Variants in CCDC102B observed in about 807,000 individuals in gnomAD.
The protein encoded by CCDC102B is coiled-coil domain containing 102B, also known as coiled-coil domain-containing protein 102B.
In CCDC102B, 75 loss-of-function variants were observed where a neutral mutation model predicts 57.4. That is an observed-to-expected ratio of 1.31 (90% CI 1.08 to 1.58). The LOEUF (loss-of-function observed/expected upper bound fraction) is 1.58. CCDC102B is among the 40% of genes most tolerant of loss of function. CCDC102B has a pLI of 0.00. For missense variants in CCDC102B, 636 were observed against 582.6 expected, an observed-to-expected ratio of 1.09 and a Z score of -0.94; for synonymous variants, 206 against 201.9, an observed-to-expected ratio of 1.02 and a Z score of -0.17.
intron 5 of CCDC102B, among the ~76,000 whole-genome samples, chr18:68,884,396 C>G (rs560348069): frequency 1.3e-5 from 2 of 152,146 alleles, no homozygotes; most frequent in African/African-American, 4.8e-5. Flanking sequence ...ATTATACTAA[C>G]TGAAATAAGC....
intron 1 of CCDC102B, among the ~76,000 whole-genome samples, chr18:68,814,249 G>T (rs571450437): frequency 2.0e-5 from 3 of 151,364 alleles, no homozygotes; most frequent in South Asian, 2.1e-4. Flanking sequence ...TTTTCTAGCT[G>T]TGCAAATTAT....
chr18:69,029,510 C>T (rs1419075557), intron 7 of CCDC102B, among the ~76,000 whole-genome samples: 1 of 151,770 alleles, frequency 6.6e-6, no homozygotes, highest in Non-Finnish European at 1.5e-5. Flanking sequence ...ATTTTTTTTA[C>T]ACAGCGTCAA....
intron 4 of CCDC102B, among the ~76,000 whole-genome samples, chr18:68,855,894 T>C (rs1008697509): frequency 2.6e-5 from 4 of 152,302 alleles, no homozygotes; most frequent in Admixed American, 6.5e-5. Flanking sequence ...TCAGGTGTGT[T>C]AGTCATGTCT....
intron 2 of CCDC102B, among the ~76,000 whole-genome samples, chr18:68,728,621 C>A (rs1282991767): frequency 6.6e-6 from 1 of 152,124 alleles, no homozygotes; most frequent in East Asian, 1.9e-4. Flanking sequence ...TAAGCAGCCT[C>A]ATGATTTACA....
chr18:68,914,786 A>C (rs1043620986), intron 6 of CCDC102B, among the ~76,000 whole-genome samples: 5 of 152,098 alleles, frequency 3.3e-5, no homozygotes, highest in Non-Finnish European at 5.9e-5. Context: ...GCGGATTTTA[A>C]TTTTTAAATT....
intron 4 of CCDC102B, among the ~76,000 whole-genome samples, chr18:68,864,770 A>G (rs1327481716): frequency 6.6e-6 from 1 of 152,044 alleles, no homozygotes; most frequent in Non-Finnish European, 1.5e-5. Flanking sequence ...CTGATAATAA[A>G]AAGATACTGA....
At chr18:68,718,979 A>G (rs2032178094) in intron 2 of CCDC102B, among the ~76,000 whole-genome samples, 1 of 152,212 alleles carries the variant, frequency 6.6e-6, no homozygotes, top group Admixed American at 6.5e-5. Context: ...TAATTACGTT[A>G]AAAATACTAG....
intron 2 of CCDC102B, among the ~76,000 whole-genome samples, chr18:68,759,375 A>G (rs1469528880): frequency 2.6e-5 from 4 of 152,142 alleles, no homozygotes; most frequent in Non-Finnish European, 5.9e-5. Context: ...CTTAGCTCAA[A>G]GAATAGACAT....
At chr18:68,972,067 A>G (rs1372036297) in intron 6 of CCDC102B, among the ~76,000 whole-genome samples, 3 of 152,160 alleles carry the variant, frequency 2.0e-5, no homozygotes, top group Admixed American at 1.3e-4. Context: ...AAAGAAAGTC[A>G]CTAGAAATAT....
At chr18:69,029,506 T>C (rs2145439550) in intron 7 of CCDC102B, among the ~76,000 whole-genome samples, 1 of 152,326 alleles carries the variant, frequency 6.6e-6, no homozygotes, top group South Asian at 2.1e-4. Flanking sequence ...GAGAATTTTT[T>C]TTACACAGCG....
intron 6 of CCDC102B, among the ~76,000 whole-genome samples, chr18:68,937,478 G>A (rs1261334661): frequency 6.6e-6 from 1 of 151,914 alleles, no homozygotes; most frequent in Non-Finnish European, 1.5e-5. Flanking sequence ...TATTGATTTG[G>A]GGATTACAAA....
intron 6 of CCDC102B, among the ~76,000 whole-genome samples, chr18:68,919,991 G>A (rs1214821198): frequency 6.6e-6 from 1 of 152,104 alleles, no homozygotes; most frequent in Non-Finnish European, 1.5e-5. Flanking sequence ...TTTATTTTAA[G>A]TTCAAGGGTA....
In CCDC102B at chr18:69,001,227, G is replaced by A. The variant is rs77704544; in HGVS notation, c.1264-9707G>A. Among the ~76,000 whole-genome samples the A allele has an allele frequency of 1.9e-4, 29 of 152,058 alleles. No individual in the cohort carries two copies. In the East Asian group the frequency reaches 2.1e-3, roughly 11 times the overall value. On this transcript the variant is annotated intron_variant, in intron 6 of 7. Coordinates refer to ENST00000360242, the MANE Select transcript of CCDC102B (RefSeq NM_024781.3). ...GTTCCTTTCTCTAGGAAATATTGTC[G>A]TCTTTTCCCATGCTGTTAGCTGCTT... is the stretch of plus-strand genomic sequence containing the variant.
chr18:69,023,981 T>C (rs2051916770), intron 7 of CCDC102B, among the ~76,000 whole-genome samples: 2 of 152,018 alleles, frequency 1.3e-5, no homozygotes, highest in African/African-American at 4.8e-5. Context: ...TCATAATGGA[T>C]TTCAACAGCA....
chr18:68,836,728 A>G (rs752468687), intron 1 of CCDC102B, 21 bp from the exon 2 acceptor site: 1 of 1,549,078 alleles, frequency 6.5e-7, no homozygotes, highest in African/African-American at 1.4e-5. Context: ...GCGTGAAATT[A>G]TGGTCTCTAT....
intron 6 of CCDC102B, among the ~76,000 whole-genome samples, chr18:68,970,272 T>G (rs552179111): frequency 1.3e-5 from 2 of 152,156 alleles, no homozygotes; most frequent in Non-Finnish European, 2.9e-5. Flanking sequence ...TGGAAGAATA[T>G]AGCTGAGACT....
chr18:68,805,102 CAT>C (rs1449585912), intron 1 of CCDC102B, among the ~76,000 whole-genome samples: 2 of 152,056 alleles, frequency 1.3e-5, no homozygotes, highest in African/African-American at 4.8e-5. Context: ...CCATTAGACA[CAT>C]AGATATGATG....
At chr18:68,862,949 T>G (rs12606721) in intron 4 of CCDC102B, among the ~76,000 whole-genome samples, 151,636 of 151,936 alleles carry the variant, frequency 1, 75,669 homozygotes, top group Middle Eastern at 1. Flanking sequence ...ACATTATTCT[T>G]TCTGGAAGTA....
chr18:69,009,061 G>A (rs534934141), intron 6 of CCDC102B, among the ~76,000 whole-genome samples: 1 of 152,098 alleles, frequency 6.6e-6, no homozygotes, highest in South Asian at 2.1e-4. Context: ...GTATATCTGT[G>A]AAATAAATTC....
Sources: gnomAD v4.1 joint callset for allele counts (sites outside exome capture counted in the v4.1 genomes callset) on GRCh38, gnomAD v4.1.1 for gene constraint, MANE v1.5 for transcripts, NCBI Gene and HGNC (gene_info 2026-07-23, HGNC 2026-07-21) for gene names.